Variants in PCDHA11 observed in about 807,000 individuals in gnomAD.
PCDHA11 encodes protocadherin alpha 11, also known as protocadherin alpha-11.
Under a neutral mutation model 70.3 loss-of-function variants are expected in PCDHA11, and 61 were observed. That is an observed-to-expected ratio of 0.87 (90% confidence interval 0.71 to 1.07). PCDHA11 has a LOEUF of 1.07. PCDHA11 is among the 50% of genes least tolerant of loss of function. PCDHA11 has a pLI of 0.00. For synonymous variants in PCDHA11, 633 were observed against 555.1 expected, an observed-to-expected ratio of 1.14 and a Z score of -1.97; for missense variants, 1,324 against 1,237.5, an observed-to-expected ratio of 1.07 and a Z score of -1.05.
At chr5:140,950,006 G>A (rs2094439907) in intron 1 of PCDHA11, among the ~76,000 whole-genome samples, 1 of 151,676 alleles carries the variant, frequency 6.6e-6, no homozygotes, top group African/African-American at 2.4e-5. Context: ...ACTTAATAGT[G>A]TACAACCTTC....
At chr5:140,967,884 C>T (rs2096194386) in intron 1 of PCDHA11, 2 of 1,614,050 alleles carry the variant, frequency 1.2e-6, no homozygotes, top group African/African-American at 1.3e-5. Context: ...CTGTATAGCC[C>T]AGTGCCTGAG....
At chr5:140,914,451 C>A (rs879984519) in intron 1 of PCDHA11, among the ~76,000 whole-genome samples, 1 of 152,094 alleles carries the variant, frequency 6.6e-6, no homozygotes, top group Non-Finnish European at 1.5e-5. Context: ...TCTTTATTTT[C>A]CAGTCTATGT....
chr5:140,927,921 G>A, intron 1 of PCDHA11: 2 of 1,614,194 alleles, frequency 1.2e-6, no homozygotes, highest in South Asian at 1.1e-5. Context: ...TGGACTTCCT[G>A]ACTCTTTCGA....
chr5:140,940,736 A>G (rs1554213579), intron 1 of PCDHA11, among the ~76,000 whole-genome samples: 1 of 152,200 alleles, frequency 6.6e-6, no homozygotes, highest in Non-Finnish European at 1.5e-5. Flanking sequence ...GGACAGCTCC[A>G]TATTTTTATG....
At chr5:140,871,861 T>C (rs1554165885) in intron 1 of PCDHA11, among the ~76,000 whole-genome samples, 1 of 152,272 alleles carries the variant, frequency 6.6e-6, no homozygotes, top group East Asian at 1.9e-4. Flanking sequence ...ATAATAACTA[T>C]GGATTATTTA....
chr5:140,902,676 C>T (rs781793838), intron 1 of PCDHA11, among the ~76,000 whole-genome samples: 7 of 152,040 alleles, frequency 4.6e-5, no homozygotes, highest in Non-Finnish European at 7.4e-5. Context: ...CAGTGTACAC[C>T]GTACCTAATA....
intron 1 of PCDHA11, among the ~76,000 whole-genome samples, chr5:140,945,598 T>C (rs544036785): frequency 1.3e-5 from 2 of 152,116 alleles, no homozygotes; most frequent in South Asian, 2.1e-4. Flanking sequence ...TTCAAAGCTA[T>C]AATAATCAAA....
At chr5:140,895,666 T>A (rs538311323) in intron 1 of PCDHA11, among the ~76,000 whole-genome samples, 24 of 152,288 alleles carry the variant, frequency 1.6e-4, no homozygotes, top group African/African-American at 5.8e-4. Context: ...AGTGAGAACA[T>A]GTAGTATTTG....
At chr5:140,950,580 C>T (rs2094499075) in intron 1 of PCDHA11, among the ~76,000 whole-genome samples, 1 of 151,958 alleles carries the variant, frequency 6.6e-6, no homozygotes, top group South Asian at 2.1e-4. Context: ...TTTCTACTTA[C>T]CTTTGGTTTA....
In PCDHA11 at chr5:140,929,209, G is replaced by A. The variant is rs553616030; in HGVS notation, c.2392-49740G>A. Reference sequence around the variant, plus strand: ...TGATAATAACAGTTTGCTGTTGCGTGGGGAGTACAATGCTGCCGACCTGCG... The same window carrying A: ...TGATAATAACAGTTTGCTGTTGCGTAGGGAGTACAATGCTGCCGACCTGCG... On this transcript the variant is annotated intron_variant, in intron 1 of 3. Transcript: ENST00000398640. 71 of 1,614,054 alleles carry A rather than the reference G, an allele frequency of 4.4e-5. 2 individuals carry two copies. The South Asian group carries it at 7.1e-4, about 16-fold the overall frequency.
chr5:140,918,660 A>G (rs1490487097), intron 1 of PCDHA11, among the ~76,000 whole-genome samples: 1 of 152,200 alleles, frequency 6.6e-6, no homozygotes, highest in Non-Finnish European at 1.5e-5. Context: ...TCTCATGTTG[A>G]TGGTATGAAG....
intron 2 of PCDHA11, among the ~76,000 whole-genome samples, chr5:140,979,916 A>C (rs369427870): frequency 4.1e-4 from 63 of 152,376 alleles, no homozygotes; most frequent in African/African-American, 1.4e-3. Context: ...CGTAAAGAGA[A>C]AGCCTACAAA....
chr5:140,925,427 G>A (rs1394500937), intron 1 of PCDHA11, among the ~76,000 whole-genome samples: 2 of 152,012 alleles, frequency 1.3e-5, no homozygotes, highest in Non-Finnish European at 2.9e-5. Context: ...CTGGTTGTAG[G>A]GTGTTAGGCA....
At chr5:140,891,218 A>G (rs1554184722) in intron 1 of PCDHA11, among the ~76,000 whole-genome samples, 1 of 152,044 alleles carries the variant, frequency 6.6e-6, no homozygotes, top group African/African-American at 2.4e-5. Flanking sequence ...CTGTGTCTTT[A>G]TAATCATCCT....
intron 1 of PCDHA11, 154 bp downstream of exon 1, chr5:140,871,648 T>G: frequency 7.8e-7 from 1 of 1,275,766 alleles, no homozygotes. Context: ...AAATACCAAA[T>G]GATACACATC....
intron 3 of PCDHA11, among the ~76,000 whole-genome samples, chr5:141,003,540 T>C (rs2098129225): frequency 6.6e-6 from 1 of 152,188 alleles, no homozygotes; most frequent in Non-Finnish European, 1.5e-5. Flanking sequence ...CTTGAACTCC[T>C]GGCTTCAAGT....
At chr5:140,986,163 G>A (rs1186387690) in intron 3 of PCDHA11, among the ~76,000 whole-genome samples, 1 of 152,212 alleles carries the variant, frequency 6.6e-6, no homozygotes, top group African/African-American at 2.4e-5. Flanking sequence ...AATGTTTTCT[G>A]CAGGATAAAC....
intron 1 of PCDHA11, among the ~76,000 whole-genome samples, chr5:140,958,893 A>G (rs1332305633): frequency 2.6e-5 from 4 of 152,002 alleles, no homozygotes; most frequent in African/African-American, 9.7e-5. Flanking sequence ...TAGCTATATA[A>G]TAGATACAGA....
chr5:140,977,084 A>C lies in PCDHA11; in HGVS notation c.2392-1865A>C, dbSNP rs545652987. On this transcript the variant is annotated intron_variant, in intron 1 of 3. Coordinates refer to ENST00000398640, the MANE Select transcript of PCDHA11 (RefSeq NM_018902.5). ...TAGAAAATAGCAGCATGACAAATTA[A>C]ATGTGTCATTGGGGAAGTGAGATTG... is the stretch of plus-strand genomic sequence containing the variant. 2.0e-5 allele frequency among the ~76,000 whole-genome samples: 3 copies of C among 152,336 alleles called. No individual in the cohort carries two copies. The East Asian group carries it at 5.8e-4, about 29-fold the overall frequency.
Sources: allele counts gnomAD v4.1 joint callset (sites outside exome capture counted in the v4.1 genomes callset), GRCh38; gene constraint gnomAD v4.1.1; transcripts MANE v1.5; gene names NCBI Gene and HGNC (gene_info 2026-07-23, HGNC 2026-07-21).